Variants in AGAP1 observed in about 807,000 individuals in gnomAD.
The protein encoded by AGAP1 is ArfGAP with GTPase domain, ankyrin repeat and PH domain 1, also known as arf-GAP with GTPase, ANK repeat and PH domain-containing protein 1.
Under a neutral mutation model 105.3 loss-of-function variants are expected in AGAP1, and 29 were observed. The observed-to-expected ratio is 0.28, with a 90% CI of 0.21 to 0.38. The LOEUF is 0.38. AGAP1 is among the 10% of genes least tolerant of loss of function. The probability of loss-of-function intolerance (pLI) is 1.00; values close to 1 mark genes in which losing one functional copy is unlikely to be tolerated. For missense variants in AGAP1, 998 were observed against 1,165.1 expected (o/e 0.86, Z 2.09); for synonymous variants, 509 against 485.9 (o/e 1.05, Z -0.63).
chr2:236,040,596 C>T lies in AGAP1; in HGVS notation c.1801-155C>T, dbSNP rs1214977755. 9.7e-6 allele frequency: 2 copies of T among 206,440 alleles called. No homozygotes were observed. The highest frequency in any genetic ancestry group is 1.7e-4 in the East Asian group (1 of 5,864). The allele number at this position is 206,440 out of a possible 1,614,324, so 12.8% of individuals were successfully genotyped here. A position where few individuals can be genotyped will look rare whatever the true frequency, so the allele number is the denominator to read the frequency against. On this transcript the variant is annotated intron_variant, in intron 14 of 17. Transcript: ENST00000304032. The surrounding 1 kb of genome is among the most constrained non-coding windows in gnomAD (Gnocchi z 5.6). ...TGATGATTTCTTCTTCAGTTATGCT[C>T]TTTCCCAAAGACATCAAAACAAGAG...
In AGAP1 at chr2:235,716,293, A is replaced by G. The variant is rs1951101583; in HGVS notation, c.223-1264A>G. 6.6e-6 allele frequency among the ~76,000 whole-genome samples: 1 copy of G among 152,152 alleles called. No homozygotes were observed. On this transcript the variant is annotated intron_variant, in intron 2 of 17. Transcript: ENST00000304032. The surrounding 1 kb of genome is among the most constrained non-coding windows in gnomAD (Gnocchi z 4.0). ...GAACCCACAGGGCTGGGAGGGAGGT[A>G]GAGGCGGAAGCCAGTGTGAGAGTTG...
At position 236,040,383 on chromosome 2, in the gene AGAP1, C is replaced by G. The variant is rs2057510376; in HGVS notation, c.1801-368C>G. ...GGGCTTATAAACGGATTATTTCTTT[C>G]TCATTCTTCTTACCAAGTAGACATG... is the stretch of plus-strand genomic sequence containing the variant. On this transcript the variant is annotated intron_variant, in intron 14 of 17. Coordinates refer to ENST00000304032, the MANE Select transcript of AGAP1 (RefSeq NM_001037131.3). This position sits in a 1 kb window ranked among gnomAD's most constrained non-coding sequence, Gnocchi z 5.6. 6.6e-6 allele frequency among the ~76,000 whole-genome samples: 1 copy of G among 152,152 alleles called. No homozygotes were observed. Among genetic ancestry groups the G allele is most frequent in the Non-Finnish European group, 1.5e-5 (1 of 68,034 alleles).
intron 6 of AGAP1, among the ~76,000 whole-genome samples, chr2:235,763,037 T>TGG (rs1559452634): frequency 7.3e-6 from 1 of 136,468 alleles, no homozygotes; most frequent in Non-Finnish European, 1.6e-5. Context: ...AAGGCTCGGG[T>TGG]GTGTGTGTGT....
At position 235,988,870 on chromosome 2, in the gene AGAP1, C is replaced by A. The variant is rs2055434517; in HGVS notation, c.1645+20247C>A. Among the ~76,000 whole-genome samples the A allele has an allele frequency of 6.6e-6, 1 of 152,100 alleles. No individual in the cohort carries two copies. Among genetic ancestry groups the A allele is most frequent in the Non-Finnish European group, 1.5e-5 (1 of 68,018 alleles). ...CTTGACTCTCATCACTCACATGGTC[C>A]CCCAGCAGGTAACTTGCTTCAGCGC... On this transcript the variant is annotated intron_variant, in intron 13 of 17. Transcript: ENST00000304032. The surrounding 1 kb of genome is among the most constrained non-coding windows in gnomAD (Gnocchi z 4.7).
chr2:235,678,129 C>T (rs1948857527), intron 1 of AGAP1, among the ~76,000 whole-genome samples: 1 of 152,096 alleles, frequency 6.6e-6, no homozygotes, highest in African/African-American at 2.4e-5. Context: ...GGTGCCAATG[C>T]AGCTCGTTGA....
rs999886589 is a variant in AGAP1 at position 236,078,212 on chromosome 2, T to C, written c.2114+28931T>C. Among the ~76,000 whole-genome samples, 8 of 151,888 alleles carry C rather than the reference T, an allele frequency of 5.3e-5. No homozygotes were observed. Among genetic ancestry groups the C allele is most frequent in the African/African-American group, 1.9e-4 (8 of 41,360 alleles). ...TGTGTGTCACATCTGAAGTGTGTAG[T>C]GCAGGCCGGCGTTCTGGAAACTCGG... is the stretch of plus-strand genomic sequence containing the variant. On this transcript the variant is annotated intron_variant, in intron 16 of 17. Coordinates refer to ENST00000304032, the MANE Select transcript of AGAP1 (RefSeq NM_001037131.3). This position sits in a 1 kb window ranked among gnomAD's most constrained non-coding sequence, Gnocchi z 5.3.
rs1458755375 is a variant in AGAP1 at position 235,578,512 on chromosome 2, C to T, written c.163+83663C>T. Among the ~76,000 whole-genome samples the T allele has an allele frequency of 6.6e-6, 1 of 152,110 alleles. No individual in the cohort carries two copies. The highest frequency in any genetic ancestry group is 2.4e-5 in the African/African-American group (1 of 41,420). On this transcript the variant is annotated intron_variant, in intron 1 of 17. Transcript: ENST00000304032. The surrounding 1 kb of genome is among the most constrained non-coding windows in gnomAD (Gnocchi z 4.9). ...ACAGTTTAAAAAATTACAGACTGGACGCAGTGGCTTATGCCACCCCAGCAC... is the reference window on the plus strand; with the variant it reads ...ACAGTTTAAAAAATTACAGACTGGATGCAGTGGCTTATGCCACCCCAGCAC...
intron 13 of AGAP1, among the ~76,000 whole-genome samples, chr2:236,034,036 C>T (rs541230564): frequency 6.6e-6 from 1 of 152,146 alleles, no homozygotes; most frequent in Non-Finnish European, 1.5e-5. Flanking sequence ...CCAAGTTTTC[C>T]TTATGATCTA....
In AGAP1 at chr2:236,078,991, T is replaced by C. The variant is rs535301942; in HGVS notation, c.2114+29710T>C. ...CCCGTCCCTTTAGCCTCATCCCTCA[T>C]GGGGGAAGATACCTGATGCCGGGGC... On this transcript the variant is annotated intron_variant, in intron 16 of 17. Transcript: ENST00000304032. The surrounding 1 kb of genome is among the most constrained non-coding windows in gnomAD (Gnocchi z 5.3). Among the ~76,000 whole-genome samples, 3 of 152,076 alleles carry C rather than the reference T, an allele frequency of 2.0e-5. No individual in the cohort carries two copies. The highest frequency in any genetic ancestry group is 2.1e-4 in the South Asian group (1 of 4,814).
intron 1 of AGAP1, among the ~76,000 whole-genome samples, chr2:235,512,273 G>A (rs189239903): frequency 6.6e-6 from 1 of 152,286 alleles, no homozygotes; most frequent in African/African-American, 2.4e-5. Flanking sequence ...GAATACCAAG[G>A]TTGGGAAACA....
chr2:235,671,305 C>G (rs945940250), intron 1 of AGAP1, among the ~76,000 whole-genome samples: 1 of 152,164 alleles, frequency 6.6e-6, no homozygotes, highest in East Asian at 1.9e-4. Flanking sequence ...GAGCTTGACC[C>G]GGGAGAGGTC....
At chr2:235,695,128 G>A (rs141908254) in intron 1 of AGAP1, among the ~76,000 whole-genome samples, 48 of 152,284 alleles carry the variant, frequency 3.2e-4, no homozygotes, top group African/African-American at 5.5e-4. Flanking sequence ...CCTTTTCCTC[G>A]TGTTTCCTCC....
chr2:235,777,577 C>T lies in AGAP1; in HGVS notation c.674-20182C>T, dbSNP rs76307697. 0.019 allele frequency among the ~76,000 whole-genome samples: 2,884 copies of T among 152,316 alleles called. 46 individuals carry two copies. Among genetic ancestry groups the T allele is most frequent in the Middle Eastern group, 0.061 (18 of 294 alleles). ...CGCCATGTCCTGTTGCCATAGAGGA[C>T]GAGTCACAGCTGTCTCACCTGCACC... On this transcript the variant is annotated intron_variant, in intron 6 of 17. Coordinates refer to ENST00000304032, the MANE Select transcript of AGAP1 (RefSeq NM_001037131.3). The surrounding 1 kb of genome is among the most constrained non-coding windows in gnomAD (Gnocchi z 5.1).
rs1412144371 is a variant in AGAP1, at chr2:235,967,213, TG to T, written c.1484-1248del. On this transcript the variant is annotated intron_variant, in intron 12 of 17. Coordinates refer to ENST00000304032, the MANE Select transcript of AGAP1 (RefSeq NM_001037131.3). The surrounding 1 kb of genome is among the most constrained non-coding windows in gnomAD (Gnocchi z 4.7). ...AGGCTCCCTCCTTGGAGCCAGGCTCTGACTGTTTCTCTGCTCTCATTACCTT... is the reference window on the plus strand; with the variant it reads ...AGGCTCCCTCCTTGGAGCCAGGCTCTACTGTTTCTCTGCTCTCATTACCTT... Among the ~76,000 whole-genome samples the T allele has an allele frequency of 6.6e-6, 1 of 152,178 alleles. No homozygotes were observed. Among genetic ancestry groups the T allele is most frequent in the Non-Finnish European group, 1.5e-5 (1 of 68,026 alleles).
At chr2:235,838,785 T>C (rs1215798181) in intron 9 of AGAP1, among the ~76,000 whole-genome samples, 1 of 152,220 alleles carries the variant, frequency 6.6e-6, no homozygotes, top group Non-Finnish European at 1.5e-5. Context: ...AACCTTCTAG[T>C]ATTTTCTACA....
At chr2:235,540,808 A>T (rs138911288) in intron 1 of AGAP1, among the ~76,000 whole-genome samples, 32 of 152,104 alleles carry the variant, frequency 2.1e-4, no homozygotes, top group Non-Finnish European at 3.8e-4. Flanking sequence ...GAGAAGAAAC[A>T]CTTCAGGGCT....
At chr2:236,086,546 CAT>C (rs754121385) in intron 16 of AGAP1, among the ~76,000 whole-genome samples, 27 of 152,270 alleles carry the variant, frequency 1.8e-4, no homozygotes, top group Non-Finnish European at 3.2e-4. Flanking sequence ...TTGCAGGTAA[CAT>C]AGTTTCTCTT....
intron 13 of AGAP1, among the ~76,000 whole-genome samples, chr2:236,029,370 G>A (rs894194070): frequency 6.6e-6 from 1 of 151,480 alleles, no homozygotes; most frequent in Non-Finnish European, 1.5e-5. Flanking sequence ...CCGCCTCCCA[G>A]GTTCAAGTGA....
chr2:235,715,993 T>C (rs1443858331), intron 2 of AGAP1, among the ~76,000 whole-genome samples: 1 of 151,976 alleles, frequency 6.6e-6, no homozygotes, highest in African/African-American at 2.4e-5. Context: ...AAAGTCCTGG[T>C]GGGAGCTAAG....
Sources: gnomAD v4.1 joint callset for allele counts (sites outside exome capture counted in the v4.1 genomes callset) on GRCh38, gnomAD v4.1.1 for gene constraint, Gnocchi (gnomAD v3.1) non-coding constraint, MANE v1.5 for transcripts, NCBI Gene and HGNC (gene_info 2026-07-23, HGNC 2026-07-21) for gene names.